Variants in KCNH1 observed in about 807,000 individuals in gnomAD.
The protein encoded by KCNH1 is potassium voltage-gated channel subfamily H member 1.
Under a neutral mutation model 69.2 loss-of-function variants are expected in KCNH1, and 27 were observed. That is an observed-to-expected ratio of 0.39 (90% CI 0.29 to 0.54). The LOEUF (loss-of-function observed/expected upper bound fraction) is 0.54, where lower values mean the gene tolerates loss of function less well. Ranked by LOEUF, KCNH1 falls within the 20% of genes least tolerant of loss-of-function variation. The pLI is 0.68. For synonymous variants in KCNH1, 456 were observed against 487.7 expected, an observed-to-expected ratio of 0.93 and a Z score of 0.86; for missense variants, 798 against 1,261.6, an observed-to-expected ratio of 0.63 and a Z score of 5.57.
At chr1:210,826,337 C>T (rs530629712) in intron 7 of KCNH1, among the ~76,000 whole-genome samples, 4 of 152,222 alleles carry the variant, frequency 2.6e-5, no homozygotes, top group East Asian at 1.9e-4. Context: ...TATCTACACC[C>T]GTTCTCCTGG....
In KCNH1 at chr1:211,113,974, TCACACACACACA is replaced by T. The variant is rs371049407; in HGVS notation, c.80-6609_80-6598del. 3.3e-4 allele frequency among the ~76,000 whole-genome samples: 47 copies of T among 142,478 alleles called. No homozygotes were observed. In the East Asian group the frequency reaches 7.3e-3, roughly 22 times the overall value. The allele number at this position is 142,478 out of a possible 152,430, so 93.5% of individuals were successfully genotyped here. ...CTCTGTCTCTCTCTCTCTCTCTCTCTCACACACACACACACACACACACACACACATACACAC... is the reference window on the plus strand; with the variant it reads ...CTCTGTCTCTCTCTCTCTCTCTCTCTCACACACACACACACACATACACAC... On this transcript the variant is annotated intron_variant, in intron 1 of 10. Transcript: ENST00000271751.
At chr1:211,042,652 A>G (rs372651908) in intron 5 of KCNH1, among the ~76,000 whole-genome samples, 3 of 152,204 alleles carry the variant, frequency 2.0e-5, no homozygotes, top group African/African-American at 7.2e-5. Flanking sequence ...TCTACCCAAC[A>G]ACCACAGAAT....
intron 7 of KCNH1, among the ~76,000 whole-genome samples, chr1:210,873,819 A>G (rs1686305779): frequency 6.6e-6 from 1 of 152,278 alleles, no homozygotes; most frequent in South Asian, 2.1e-4. Flanking sequence ...GAATTTCAAA[A>G]AGTCAAACAG....
intron 6 of KCNH1, among the ~76,000 whole-genome samples, chr1:210,996,134 G>A (rs956009375): frequency 2.6e-5 from 4 of 152,184 alleles, no homozygotes; most frequent in Non-Finnish European, 5.9e-5. Flanking sequence ...CAGACAGTGG[G>A]TGCAGAACAG....
At chr1:211,092,649 T>G (rs991210108) in intron 3 of KCNH1, among the ~76,000 whole-genome samples, 1 of 152,190 alleles carries the variant, frequency 6.6e-6, no homozygotes, top group African/African-American at 2.4e-5. Flanking sequence ...TCACTGTTTT[T>G]GGAAGTATGT....
intron 7 of KCNH1, among the ~76,000 whole-genome samples, chr1:210,805,709 C>T (rs142118230): frequency 1.3e-5 from 2 of 152,244 alleles, no homozygotes; most frequent in East Asian, 1.9e-4. Flanking sequence ...AGAATATATT[C>T]CTCCGAAAAT....
At chr1:211,086,911 G>C (rs1049886913) in intron 4 of KCNH1, among the ~76,000 whole-genome samples, 1 of 152,202 alleles carries the variant, frequency 6.6e-6, no homozygotes, top group African/African-American at 2.4e-5. Flanking sequence ...TGGAGAGTCA[G>C]TGCAGACCAC....
At chr1:211,105,562 T>C (rs1691334909) in intron 2 of KCNH1, among the ~76,000 whole-genome samples, 1 of 152,192 alleles carries the variant, frequency 6.6e-6, no homozygotes, top group South Asian at 2.1e-4. Context: ...TGTTCATTTA[T>C]AGAGAAGGGA....
At chr1:210,913,571 G>C (rs887679041) in intron 7 of KCNH1, among the ~76,000 whole-genome samples, 48 of 152,262 alleles carry the variant, frequency 3.2e-4, no homozygotes, top group African/African-American at 1.1e-3. Flanking sequence ...CAAAAATAGA[G>C]GATACAGCCC....
chr1:210,825,145 C>G (rs1341357150), intron 7 of KCNH1, among the ~76,000 whole-genome samples: 1 of 152,098 alleles, frequency 6.6e-6, no homozygotes, highest in Non-Finnish European at 1.5e-5. Context: ...AAATGTTCTG[C>G]CAAATACCCA....
At chr1:211,103,253 C>G (rs1391091534) in intron 3 of KCNH1, among the ~76,000 whole-genome samples, 1 of 152,186 alleles carries the variant, frequency 6.6e-6, no homozygotes, top group Non-Finnish European at 1.5e-5. Flanking sequence ...CACTAAGTCT[C>G]AGCAACAACA....
At chr1:210,833,907 T>C (rs1312456239) in intron 7 of KCNH1, among the ~76,000 whole-genome samples, 1 of 152,130 alleles carries the variant, frequency 6.6e-6, no homozygotes. Context: ...AAGAAGACAT[T>C]TATGCAGACA....
At chr1:210,835,432 T>C (rs1039527823) in intron 7 of KCNH1, among the ~76,000 whole-genome samples, 1 of 152,192 alleles carries the variant, frequency 6.6e-6, no homozygotes, top group African/African-American at 2.4e-5. Flanking sequence ...TTAACACTTA[T>C]CGTTTCAAGA....
intron 6 of KCNH1, among the ~76,000 whole-genome samples, chr1:210,956,314 T>C (rs1017398594): frequency 6.6e-6 from 1 of 152,244 alleles, no homozygotes; most frequent in Admixed American, 6.5e-5. Context: ...CAGTATTTTA[T>C]TGAGGATTTT....
At chr1:210,981,736 C>G (rs765860162) in intron 6 of KCNH1, among the ~76,000 whole-genome samples, 6 of 152,238 alleles carry the variant, frequency 3.9e-5, no homozygotes, top group Non-Finnish European at 8.8e-5. Flanking sequence ...TCCTGGCAAA[C>G]TTGTGGAGAC....
intron 7 of KCNH1, among the ~76,000 whole-genome samples, chr1:210,902,256 T>G (rs1687012352): frequency 6.6e-6 from 1 of 152,220 alleles, no homozygotes; most frequent in African/African-American, 2.4e-5. Flanking sequence ...TCTGACCAAT[T>G]GTTCCTTTAG....
intron 7 of KCNH1, among the ~76,000 whole-genome samples, chr1:210,832,903 A>AATATATATATATATATATATATATAT (rs1182447741): frequency 2.1e-4 from 8 of 39,002 alleles, no homozygotes; most frequent in Admixed American, 4.1e-4. Flanking sequence ...GCATTTCTCA[A>AATATATATATATATATATATATATAT]ATACATATAT....
intron 7 of KCNH1, among the ~76,000 whole-genome samples, chr1:210,889,615 GTC>G (rs1227051701): frequency 6.6e-6 from 1 of 152,200 alleles, no homozygotes; most frequent in Non-Finnish European, 1.5e-5. Flanking sequence ...AAGTCAAATT[GTC>G]TCTGTTTGCA....
At chr1:210,713,187 T>TAACA (rs1682121487) in intron 10 of KCNH1, among the ~76,000 whole-genome samples, 1 of 152,070 alleles carries the variant, frequency 6.6e-6, no homozygotes, top group African/African-American at 2.4e-5. Flanking sequence ...AGATAAATCA[T>TAACA]AACATAATAA....
Sources: allele counts gnomAD v4.1 joint callset (sites outside exome capture counted in the v4.1 genomes callset), GRCh38; gene constraint gnomAD v4.1.1; transcripts MANE v1.5; gene names NCBI Gene and HGNC (gene_info 2026-07-23, HGNC 2026-07-21).